LRRC7: variants seen among roughly 807,000 people sequenced by gnomAD.
The protein encoded by LRRC7 is leucine-rich repeat-containing protein 7.
LRRC7 carries 23 observed loss-of-function variants against 175.7 expected under a neutral mutation model. The ratio of observed to expected loss-of-function variants is 0.13; its 90% CI spans 0.09 to 0.19. The LOEUF (loss-of-function observed/expected upper bound fraction) is 0.19. Ranked by LOEUF, LRRC7 falls within the 10% of genes least tolerant of loss-of-function variation. The pLI, the probability that LRRC7 is intolerant of heterozygous loss-of-function variation, is 1.00. For missense variants in LRRC7, 1,354 were observed against 1,904.7 expected, an observed-to-expected ratio of 0.71 and a Z score of 5.38; for synonymous variants, 685 against 680.9, an observed-to-expected ratio of 1.01 and a Z score of -0.09.
In LRRC7 at chr1:69,889,625, G is replaced by A. The variant is rs151088629; in HGVS notation, c.648-41882G>A. On this transcript the variant is annotated intron_variant, in intron 7 of 26. Transcript: ENST00000651989. ...AGTTCGCTATCAACCTGGGCAACAC[G>A]CCAAAGCTCTGTCTCTACAAAAATA... Among the ~76,000 whole-genome samples the A allele has an allele frequency of 3.3e-3, 501 of 152,226 alleles. 1 individual carries two copies. Among genetic ancestry groups the A allele is most frequent in the African/African-American group, 0.011 (450 of 41,546 alleles).
intron 1 of LRRC7, among the ~76,000 whole-genome samples, chr1:69,663,839 A>G (rs1657875632): frequency 6.8e-6 from 1 of 146,334 alleles, no homozygotes; most frequent in Non-Finnish European, 1.5e-5. Flanking sequence ...CTCCTGCCTC[A>G]GCCTCCCGAG....
chr1:70,019,631 T>C (rs2101970457), intron 15 of LRRC7, among the ~76,000 whole-genome samples: 1 of 152,146 alleles, frequency 6.6e-6, no homozygotes, highest in South Asian at 2.1e-4. Flanking sequence ...GGGATAATTA[T>C]AATAAATGAC....
At chr1:69,658,432 G>C (rs1656966368) in intron 1 of LRRC7, among the ~76,000 whole-genome samples, 1 of 151,906 alleles carries the variant, frequency 6.6e-6, no homozygotes, top group Non-Finnish European at 1.5e-5. Flanking sequence ...TTTTAAGTGA[G>C]TTGCCACACT....
At chr1:70,020,649 T>C (rs1000373497) in intron 15 of LRRC7, among the ~76,000 whole-genome samples, 1 of 152,066 alleles carries the variant, frequency 6.6e-6, no homozygotes, top group Admixed American at 6.6e-5. Flanking sequence ...ATGAGATTAG[T>C]AATACCATTG....
chr1:69,972,624 G>A (rs1052289084), intron 8 of LRRC7, among the ~76,000 whole-genome samples: 1 of 151,994 alleles, frequency 6.6e-6, no homozygotes, highest in African/African-American at 2.4e-5. Context: ...TATAATAGAT[G>A]TTAGCCTGGA....
intron 1 of LRRC7, among the ~76,000 whole-genome samples, chr1:69,616,387 T>C (rs1027899420): frequency 6.6e-6 from 1 of 152,056 alleles, no homozygotes; most frequent in Non-Finnish European, 1.5e-5. Flanking sequence ...AAATCCATAA[T>C]AGTACCCTCA....
intron 1 of LRRC7, among the ~76,000 whole-genome samples, chr1:69,623,707 C>T (rs772454744): frequency 9.9e-5 from 15 of 152,044 alleles, no homozygotes; most frequent in South Asian, 4.1e-4. Context: ...TGCACCAGCA[C>T]GCCCGGCTAA....
intron 7 of LRRC7, among the ~76,000 whole-genome samples, chr1:69,916,791 C>T (rs774339725): frequency 3.9e-5 from 6 of 151,998 alleles, no homozygotes; most frequent in Non-Finnish European, 7.4e-5. Flanking sequence ...CTTGCGCTCA[C>T]GGACTTTAAA....
At chr1:69,894,515 A>T (rs1645923821) in intron 7 of LRRC7, among the ~76,000 whole-genome samples, 1 of 152,226 alleles carries the variant, frequency 6.6e-6, no homozygotes, top group African/African-American at 2.4e-5. Context: ...AGTTTTATTG[A>T]AGTACAATTG....
intron 7 of LRRC7, among the ~76,000 whole-genome samples, chr1:69,862,582 T>G (rs866908425): frequency 2.0e-5 from 3 of 152,194 alleles, no homozygotes; most frequent in Non-Finnish European, 4.4e-5. Context: ...CTATTTGCCC[T>G]GAATAGCTGG....
At chr1:69,706,824 G>A (rs185634964) in intron 2 of LRRC7, among the ~76,000 whole-genome samples, 8 of 152,210 alleles carry the variant, frequency 5.3e-5, no homozygotes, top group Admixed American at 2.0e-4. Flanking sequence ...ACCCATTAAC[G>A]AAGAACACAC....
chr1:69,651,387 T>G, intron 1 of LRRC7, among the ~76,000 whole-genome samples: 1 of 152,218 alleles, frequency 6.6e-6, no homozygotes, highest in East Asian at 1.9e-4. Flanking sequence ...ATAATGGACC[T>G]TTGCAAATCC....
chr1:69,623,389 T>G (rs1443975689), intron 1 of LRRC7, among the ~76,000 whole-genome samples: 23 of 151,512 alleles, frequency 1.5e-4, no homozygotes, highest in Admixed American at 1.5e-3. Flanking sequence ...TGAGAGAAAA[T>G]GAACATTTTA....
chr1:69,677,344 C>T (rs1430710673), intron 1 of LRRC7, among the ~76,000 whole-genome samples: 2 of 136,084 alleles, frequency 1.5e-5, no homozygotes, highest in African/African-American at 5.4e-5. Context: ...AGGTTGATTT[C>T]ATATATTTGC....
rs1189863112 is a variant in LRRC7 at position 70,133,210 on chromosome 1, T to A, written c.*11323T>A. The stretch of plus-strand genomic sequence containing the variant: ...GGGGAGCACAGTCCGATTTTTGTTG[T>A]TGTCGTGGGTGTTTTTTGTTTGTTT... On this transcript the variant is annotated 3_prime_UTR_variant, in exon 27 of 27. Coordinates refer to ENST00000651989, the MANE Select transcript of LRRC7 (RefSeq NM_001370785.2). 6.6e-6 allele frequency among the ~76,000 whole-genome samples: 1 copy of A among 152,064 alleles called. No homozygotes were observed. Among genetic ancestry groups the A allele is most frequent in the African/African-American group, 2.4e-5 (1 of 41,408 alleles).
At chr1:70,095,950 T>C (rs906800000) in intron 25 of LRRC7, among the ~76,000 whole-genome samples, 1 of 152,072 alleles carries the variant, frequency 6.6e-6, no homozygotes, top group African/African-American at 2.4e-5. Flanking sequence ...AAAGTACACA[T>C]ATATGCATGT....
intron 1 of LRRC7, chr1:69,607,414 AC>A (rs1421210129): frequency 6.6e-6 from 1 of 152,142 alleles, no homozygotes; most frequent in African/African-American, 2.4e-5. Context: ...GCTAAAAATG[AC>A]AGGCCCCTCC....
chr1:69,708,393 G>A (rs1256433118), intron 2 of LRRC7, among the ~76,000 whole-genome samples: 1 of 151,766 alleles, frequency 6.6e-6, no homozygotes, highest in Non-Finnish European at 1.5e-5. Flanking sequence ...TTAGGCTTAG[G>A]CATACTGACC....
Position 69,717,936 on chromosome 1 carries a change from GAAA to G in LRRC7, c.100+39459_100+39461del, listed in dbSNP as rs779644997. Among the ~76,000 whole-genome samples, 3 of 72,778 alleles carry G rather than the reference GAAA, an allele frequency of 4.1e-5. 1 individual carries two copies. The highest frequency in any genetic ancestry group is 2.6e-5 in the Non-Finnish European group (1 of 38,038). 47.7% of individuals were successfully genotyped at this position (72,778 alleles called of 152,430 possible). ...GAAAGAGAGAAAAAAAGAAAAGAAA[GAAA>G]GAAAGAAAGAAAGAAAGAAGAAAAA... On this transcript the variant is annotated intron_variant, in intron 2 of 26. Coordinates refer to ENST00000651989, the MANE Select transcript of LRRC7 (RefSeq NM_001370785.2).
Sources: allele counts gnomAD v4.1 joint callset (sites outside exome capture counted in the v4.1 genomes callset), GRCh38; gene constraint gnomAD v4.1.1; transcripts MANE v1.5; gene names NCBI Gene and HGNC (gene_info 2026-07-23, HGNC 2026-07-21).